ACER2: variants seen among roughly 807,000 people sequenced by gnomAD.
The protein encoded by ACER2 is alkCDase 2.
In ACER2, 26 loss-of-function variants were observed where a neutral mutation model predicts 34.7. The ratio of observed to expected loss-of-function variants is 0.75; its 90% CI spans 0.55 to 1.04. The LOEUF is 1.04. Among genes scored for constraint, ACER2 ranks in the 50% least tolerant of loss-of-function variants. The pLI, the probability that ACER2 is intolerant of heterozygous loss-of-function variation, is 0.00. For missense variants in ACER2, 352 were observed against 340.8 expected (o/e 1.03, Z -0.26); for synonymous variants, 138 against 132.1 (o/e 1.04, Z -0.31).
At chr9:19,421,726 T>A (rs181163500) in intron 1 of ACER2, among the ~76,000 whole-genome samples, 20 of 152,300 alleles carry the variant, frequency 1.3e-4, no homozygotes, top group Admixed American at 2.6e-4. Context: ...TTGTACACTT[T>A]AAAATGGTTA....
At chr9:19,446,626 C>T (rs931533032) in intron 5 of ACER2, 23 of 985,398 alleles carry the variant, frequency 2.3e-5, no homozygotes, top group East Asian at 1.1e-4. Context: ...TTAGCCGGAA[C>T]GAAAGGCCTG....
chr9:19,440,502 C>T (rs567493178), intron 4 of ACER2, among the ~76,000 whole-genome samples: 7 of 152,150 alleles, frequency 4.6e-5, no homozygotes, highest in South Asian at 2.1e-4. Context: ...TGCCTTGGCC[C>T]TTCTACCATG....
chr9:19,439,025 G>T (rs1831059133), intron 4 of ACER2, among the ~76,000 whole-genome samples: 1 of 152,186 alleles, frequency 6.6e-6, no homozygotes, highest in Admixed American at 6.5e-5. Flanking sequence ...AGATTATTAT[G>T]CAGTTTAAAT....
intron 5 of ACER2, among the ~76,000 whole-genome samples, chr9:19,448,791 T>C (rs971686037): frequency 5.3e-5 from 8 of 152,354 alleles, no homozygotes; most frequent in East Asian, 1.9e-4. Context: ...CAATTTGTGA[T>C]GTGTATTTCC....
intron 5 of ACER2, chr9:19,446,718 C>G (rs11791077): frequency 1.2e-6 from 1 of 834,774 alleles, no homozygotes; most frequent in East Asian, 1.2e-4. Flanking sequence ...AACCTGTAAC[C>G]TGAGCTCTAG....
chr9:19,441,700 C>T (rs367645708), intron 4 of ACER2, among the ~76,000 whole-genome samples: 29 of 152,120 alleles, frequency 1.9e-4, no homozygotes, highest in African/African-American at 7.0e-4. Context: ...TGTTGTCTGT[C>T]CCCTCTGCTG....
intron 4 of ACER2, among the ~76,000 whole-genome samples, chr9:19,439,409 C>A (rs1057342441): frequency 6.7e-6 from 1 of 148,962 alleles, no homozygotes; most frequent in African/African-American, 2.5e-5. Context: ...GGCAAGATCT[C>A]GGCTCACTGT....
intron 1 of ACER2, among the ~76,000 whole-genome samples, chr9:19,422,347 T>C (rs1441525555): frequency 3.3e-5 from 5 of 151,902 alleles, no homozygotes; most frequent in Admixed American, 2.0e-4. Context: ...TTAATAGTGA[T>C]TACATGTTCA....
At chr9:19,419,419 T>C (rs1362697860) in intron 1 of ACER2, among the ~76,000 whole-genome samples, 1 of 152,186 alleles carries the variant, frequency 6.6e-6, no homozygotes, top group Non-Finnish European at 1.5e-5. Flanking sequence ...CCAAGGTCAC[T>C]AGTCGCACAT....
chr9:19,420,808 G>A (rs762281024), intron 1 of ACER2, among the ~76,000 whole-genome samples: 2 of 152,140 alleles, frequency 1.3e-5, no homozygotes, highest in African/African-American at 4.8e-5. Flanking sequence ...CTTCAAAGAC[G>A]GAGTATATGC....
chr9:19,417,033 A>G (rs926775229), intron 1 of ACER2, among the ~76,000 whole-genome samples: 6 of 152,180 alleles, frequency 3.9e-5, no homozygotes, highest in Non-Finnish European at 5.9e-5. Flanking sequence ...GCAAAGTCTC[A>G]GGATACAAAA....
intron 4 of ACER2, 116 bp from the exon 5 acceptor site, chr9:19,446,165 C>T: frequency 1.4e-6 from 2 of 1,428,606 alleles, no homozygotes; most frequent in Non-Finnish European, 2.0e-6. Flanking sequence ...GTAAGAACTT[C>T]AGTGTCTTGG....
At chr9:19,449,733 C>G (rs1279307789) in intron 5 of ACER2, among the ~76,000 whole-genome samples, 2 of 151,642 alleles carry the variant, frequency 1.3e-5, no homozygotes, top group African/African-American at 2.4e-5. Flanking sequence ...ACTAAAAATA[C>G]AAAAATTAGC....
chr9:19,414,061 T>C (rs1479900841), intron 1 of ACER2, among the ~76,000 whole-genome samples: 1 of 152,098 alleles, frequency 6.6e-6, no homozygotes, highest in African/African-American at 2.4e-5. Context: ...ACTGTGAGGA[T>C]AGGGTGGTGG....
At chr9:19,411,822 CT>C (rs1830095302) in intron 1 of ACER2, among the ~76,000 whole-genome samples, 1 of 152,178 alleles carries the variant, frequency 6.6e-6, no homozygotes, top group Non-Finnish European at 1.5e-5. Flanking sequence ...TAGCACATCA[CT>C]ACTACACCTT....
chr9:19,424,831 C>G lies in ACER2; in HGVS notation c.355C>G (p.Arg119Gly). Reference protein sequence around the residue: ...FPRRYLPKIFRNDRGRFKVVV... With the variant: ...FPRRYLPKIFGNDRGRFKVVV... ...CAGAAGGTATCTACCAAAGATCTTT[C>G]GGAATGACCGGTAAGCTTGCACTAA... The change falls in exon 3 of 6, where the codon CGG becomes GGG. Residue 119 changes from arginine to glycine, a missense_variant. Transcript: ENST00000340967. The G allele has an allele frequency of 6.2e-7, 1 of 1,614,098 alleles. No homozygotes were observed. The highest frequency in any genetic ancestry group is 8.5e-7 in the Non-Finnish European group (1 of 1,180,004).
At chr9:19,422,460 C>A (rs1037778284) in intron 1 of ACER2, among the ~76,000 whole-genome samples, 6 of 152,038 alleles carry the variant, frequency 3.9e-5, no homozygotes, top group African/African-American at 1.5e-4. Flanking sequence ...TAAATCCATA[C>A]CAAAATCTGC....
At chr9:19,421,070 C>G (rs1044404695) in intron 1 of ACER2, among the ~76,000 whole-genome samples, 1 of 152,096 alleles carries the variant, frequency 6.6e-6, no homozygotes. Context: ...AGGCTATAAA[C>G]CTGTACAACC....
chr9:19,447,214 T>C (rs982324382), intron 5 of ACER2, among the ~76,000 whole-genome samples: 2 of 152,166 alleles, frequency 1.3e-5, no homozygotes, highest in African/African-American at 2.4e-5. Context: ...GGTTATCCCC[T>C]ATAGGTAGGA....
Sources: allele counts gnomAD v4.1 joint callset (sites outside exome capture counted in the v4.1 genomes callset), GRCh38; gene constraint gnomAD v4.1.1; transcripts MANE v1.5; gene names NCBI Gene and HGNC (gene_info 2026-07-23, HGNC 2026-07-21).